The following HECTD4 variants were observed in gnomAD, a reference collection of about 807,000 sequenced individuals.
HECTD4 encodes the protein probable E3 ubiquitin-protein ligase HECTD4.
Under a neutral mutation model 471.5 loss-of-function variants are expected in HECTD4, and 114 were observed. That is an observed-to-expected ratio of 0.24 (90% CI 0.21 to 0.28). The LOEUF is 0.28. Ranked by LOEUF, HECTD4 falls within the 10% of genes least tolerant of loss-of-function variation. The pLI is 1.00. For missense variants in HECTD4, 3,866 were observed against 5,651.5 expected (o/e 0.68, Z 10.13); for synonymous variants, 2,012 against 2,256.0 (o/e 0.89, Z 3.07).
chr12:112,164,567 T>C (rs1462076330), intron 72 of HECTD4, among the ~76,000 whole-genome samples: 1 of 151,806 alleles, frequency 6.6e-6, no homozygotes, highest in African/African-American at 2.4e-5. Context: ...CCTTTACCAC[T>C]GGAGGCCACC....
intron 4 of HECTD4, among the ~76,000 whole-genome samples, chr12:112,311,218 C>T (rs893954379): frequency 4.0e-5 from 6 of 151,216 alleles, no homozygotes; most frequent in African/African-American, 1.5e-4. Flanking sequence ...GCCAAGATCG[C>T]GCCACTGCAC....
At chr12:112,262,613 T>TTTATTA (rs2034175626) in intron 17 of HECTD4, among the ~76,000 whole-genome samples, 1 of 112,042 alleles carries the variant, frequency 8.9e-6, no homozygotes, top group South Asian at 2.6e-4. Context: ...TTCTGGGGTC[T>TTTATTA]TTATTATTAT....
intron 7 of HECTD4, among the ~76,000 whole-genome samples, chr12:112,303,862 T>TAAAAAAAAAAAAAAA (rs113450179): frequency 8.8e-6 from 1 of 113,890 alleles, no homozygotes; most frequent in African/African-American, 2.8e-5. Context: ...TCTCTCAAAA[T>TAAAAAAAAAAAAAAA]AAAAAAAAAA....
chr12:112,269,963 G>T, intron 12 of HECTD4, 114 bp from the exon 13 acceptor site: 1 of 923,026 alleles, frequency 1.1e-6, no homozygotes, highest in Non-Finnish European at 1.6e-6. Context: ...GGTGGATTTT[G>T]TTTAACCACA....
At chr12:112,223,544 C>T (rs2033154233) in intron 44 of HECTD4, among the ~76,000 whole-genome samples, 2 of 152,146 alleles carry the variant, frequency 1.3e-5, no homozygotes, top group Non-Finnish European at 2.9e-5. Context: ...CTCAGCCTCC[C>T]AAGTAGCTGG....
chr12:112,257,092 T>G (rs1243321542), intron 20 of HECTD4, among the ~76,000 whole-genome samples: 4 of 152,238 alleles, frequency 2.6e-5, no homozygotes, highest in African/African-American at 9.6e-5. Flanking sequence ...AGCCTGAGGT[T>G]GTGGAATACA....
At position 112,319,137 on chromosome 12, in the gene HECTD4, A is replaced by C. The variant is rs993911046; in HGVS notation, c.695+88T>G. 2 of 1,280,712 alleles carry C rather than the reference A, an allele frequency of 1.6e-6. No individual in the cohort carries two copies. Among genetic ancestry groups the C allele is most frequent in the African/African-American group, 3.0e-5 (2 of 66,996 alleles). The allele number at this position is 1,280,712 out of a possible 1,614,324, so 79.3% of individuals were successfully genotyped here. On this transcript the variant is annotated intron_variant, in intron 2 of 75. Transcript: ENST00000682272. This position sits in a 1 kb window ranked among gnomAD's most constrained non-coding sequence, Gnocchi z 5.3. ...AGGACTTCTGAATGTTAAGACTTCT[A>C]TCAAATATACTTGGCCTCTTCTTCA...
intron 9 of HECTD4, among the ~76,000 whole-genome samples, chr12:112,275,669 T>C (rs1339255201): frequency 6.6e-5 from 10 of 152,070 alleles, no homozygotes; most frequent in Admixed American, 5.9e-4. Flanking sequence ...TTTATTTTCT[T>C]CCCCATTTTC....
chr12:112,292,509 T>TTCTATA (rs1269065692), intron 7 of HECTD4, among the ~76,000 whole-genome samples: 1 of 152,238 alleles, frequency 6.6e-6, no homozygotes, highest in African/African-American at 2.4e-5. Flanking sequence ...GATCTCACTG[T>TTCTATA]CTTTTCTATA....
chr12:112,235,594 A>G lies in HECTD4; in HGVS notation c.5635T>C (p.Ser1879Pro), dbSNP rs2033481564. Residue 1879 changes from serine (S) to proline (P), a missense_variant, in exon 36 of 76, where the codon TCC becomes CCC. Transcript: ENST00000682272. The surrounding 1 kb of genome is among the most constrained non-coding windows in gnomAD (Gnocchi z 5.0). ...GGATCCTCCTGCTCACTGTTTAAGG[A>G]GGGGACAGAGTAGCTCCAGGGTGGG... ...ELPPWSYSVP[S>P]LNSEQEDPSD... is the part of the protein sequence containing the mutation. 6.2e-7 allele frequency: 1 copy of G among 1,614,006 alleles called. No homozygotes were observed. The highest frequency in any genetic ancestry group is 8.5e-7 in the Non-Finnish European group (1 of 1,179,884).
Position 112,228,668 on chromosome 12 carries a change from T to G in HECTD4, c.6663A>C (p.Arg2221Ser). 6.2e-7 allele frequency: 1 copy of G among 1,606,942 alleles called. No homozygotes were observed. Among genetic ancestry groups the G allele is most frequent in the Non-Finnish European group, 8.5e-7 (1 of 1,178,418 alleles). ...TTACCTCTGATCTTGGAACACAAAGTCTAGACAATGGAATAGTCAATGTGT... is the reference window on the plus strand; with the variant it reads ...TTACCTCTGATCTTGGAACACAAAGGCTAGACAATGGAATAGTCAATGTGT... ...ASDTLTIPLS[R>S]LCVPRSEALP... The change falls in exon 42 of 76, where the codon AGA becomes AGC. Residue 2221 changes from arginine to serine, a missense_variant. Physicochemically the swap from Arg to Ser is moderately radical, Grantham distance 110. Transcript: ENST00000682272. This position sits in a 1 kb window ranked among gnomAD's most constrained non-coding sequence, Gnocchi z 4.9.
At chr12:112,332,555 A>AG (rs1768865329) in intron 1 of HECTD4, among the ~76,000 whole-genome samples, 1 of 151,800 alleles carries the variant, frequency 6.6e-6, no homozygotes, top group East Asian at 1.9e-4. Context: ...AAAAAAAAAA[A>AG]AAAAAAGATT....
intron 1 of HECTD4, among the ~76,000 whole-genome samples, chr12:112,323,916 A>C (rs2035637502): frequency 6.6e-6 from 1 of 151,116 alleles, no homozygotes; most frequent in Non-Finnish European, 1.5e-5. Flanking sequence ...ATCATTAAAA[A>C]TAAAAATTAG....
At chr12:112,191,093 CAGG>C (rs1214400713) in intron 59 of HECTD4, 128 bp from the exon 60 acceptor site, 42 of 691,480 alleles carry the variant, frequency 6.1e-5, no homozygotes, top group Non-Finnish European at 9.3e-5. Flanking sequence ...TCTGCTCCAG[CAGG>C]AGGACACATA....
At position 112,247,486 on chromosome 12, in the gene HECTD4, A is replaced by G. The variant is rs1447764601; in HGVS notation, c.4313T>C (p.Leu1438Pro). ...MKEVSFDGND[L>P]ENMVLSLREK... ...CCTCAGTGATAGGACCATGTTTTCA[A>G]GATCATTCCCATCAAAGGAGACTTC... Residue 1438 changes from leucine to proline, a missense_variant, in exon 28 of 76, where the codon CTT becomes CCT. Around this residue, in one of 16 missense-constraint regions of HECTD4, gnomAD observed 281 missense variants for 499.9 expected, o/e 0.56. Coordinates refer to ENST00000682272, the MANE Select transcript of HECTD4 (RefSeq NM_001388303.1). 6.5e-7 allele frequency: 1 copy of G among 1,540,754 alleles called. No individual in the cohort carries two copies. Among genetic ancestry groups the G allele is most frequent in the Non-Finnish European group, 8.8e-7 (1 of 1,139,172 alleles).
rs138736307 is a variant in HECTD4 at position 112,170,800 on chromosome 12, T to C, written c.11932+317A>G. On this transcript the variant is annotated intron_variant, in intron 68 of 75. Transcript: ENST00000682272. ...AAAAGTCTGGAAGGAGAGAGACTCA[T>C]CTGTTAACAATGTCACTTCTGGGAT... 7.7e-5 allele frequency: 35 copies of C among 453,268 alleles called. 1 individual carries two copies. The highest frequency in any genetic ancestry group is 5.8e-4 in the African/African-American group (30 of 51,440). The allele number at this position is 453,268 out of a possible 1,614,324, so 28.1% of individuals were successfully genotyped here. A position where few individuals can be genotyped will look rare whatever the true frequency, so the allele number is the denominator to read the frequency against.
intron 61 of HECTD4, 47 bp from the exon 62 acceptor site, chr12:112,183,313 C>A: frequency 6.9e-7 from 1 of 1,451,564 alleles, no homozygotes; most frequent in Middle Eastern, 1.8e-4. Context: ...CTTGACCAGT[C>A]ATTCAGTGTG....
At chr12:112,281,847 G>A (rs1205522452) in intron 8 of HECTD4, among the ~76,000 whole-genome samples, 3 of 151,916 alleles carry the variant, frequency 2.0e-5, no homozygotes, top group South Asian at 2.1e-4. Context: ...TCTACATATG[G>A]CATCTTTTTC....
chr12:112,298,355 A>T (rs1224230226), intron 7 of HECTD4, among the ~76,000 whole-genome samples: 1 of 152,142 alleles, frequency 6.6e-6, no homozygotes, highest in East Asian at 1.9e-4. Flanking sequence ...CCCTTTTATT[A>T]CACAGCAGGT....
Sources: gnomAD v4.1 joint callset for allele counts (sites outside exome capture counted in the v4.1 genomes callset) on GRCh38, gnomAD v4.1.1 for gene constraint, gnomAD v4.1.1 regional missense constraint, Gnocchi (gnomAD v3.1) non-coding constraint, MANE v1.5 for transcripts, NCBI Gene and HGNC (gene_info 2026-07-23, HGNC 2026-07-21) for gene names.